The following NRXN3 variants were observed in gnomAD, a reference collection of about 807,000 sequenced individuals.
NRXN3 encodes neurexin III.
NRXN3 carries 32 observed loss-of-function variants against 137.6 expected under a neutral mutation model. That is an observed-to-expected ratio of 0.23 (90% CI 0.18 to 0.31). NRXN3 has a LOEUF of 0.31. NRXN3 is among the 10% of genes least tolerant of loss of function. NRXN3 has a pLI of 1.00. For synonymous variants in NRXN3, 798 were observed against 784.5 expected, an observed-to-expected ratio of 1.02 and a Z score of -0.29; for missense variants, 1,574 against 2,062.5, an observed-to-expected ratio of 0.76 and a Z score of 4.59.
chr14:79,606,686 A>G (rs1180741725), intron 16 of NRXN3, among the ~76,000 whole-genome samples: 1 of 152,236 alleles, frequency 6.6e-6, no homozygotes, highest in Non-Finnish European at 1.5e-5. Flanking sequence ...GTGCACAGGT[A>G]CTTATTGAGC....
At chr14:79,332,032 C>T (rs772414073) in intron 15 of NRXN3, among the ~76,000 whole-genome samples, 5 of 152,128 alleles carry the variant, frequency 3.3e-5, no homozygotes, top group African/African-American at 9.7e-5. Flanking sequence ...CAATTTGGCA[C>T]GGTTTTTGTT....
chr14:78,697,345 C>T (rs1319902293), intron 6 of NRXN3, among the ~76,000 whole-genome samples: 1 of 151,622 alleles, frequency 6.6e-6, no homozygotes, highest in Non-Finnish European at 1.5e-5. Context: ...CATCAGTTTC[C>T]TATTCTCTGC....
rs191453499 is a variant in NRXN3 at position 79,794,558 on chromosome 14, A to G, written c.4015-10554A>G. ...TGTCTTCTAAGCAACTTCTGGTTCA[A>G]AGGGAGAGCATGAGCTCCTGGGGAT... is the stretch of plus-strand genomic sequence containing the variant. On this transcript the variant is annotated intron_variant, in intron 19 of 20. Coordinates refer to ENST00000335750, the MANE Select transcript of NRXN3 (RefSeq NM_001330195.2). Among the ~76,000 whole-genome samples, 22 of 152,230 alleles carry G rather than the reference A, an allele frequency of 1.4e-4. No homozygotes were observed. In the East Asian group the frequency reaches 2.5e-3, roughly 17 times the overall value.
intron 15 of NRXN3, among the ~76,000 whole-genome samples, chr14:79,223,109 G>A (rs2070113540): frequency 6.6e-6 from 1 of 152,040 alleles, no homozygotes; most frequent in African/African-American, 2.4e-5. Context: ...TTAGAAAACT[G>A]ACCTGCACTG....
At position 79,103,933 on chromosome 14, in the gene NRXN3, G is replaced by T. The variant is rs147196216; in HGVS notation, c.3262+115792G>T. Among the ~76,000 whole-genome samples, 563 of 152,196 alleles carry T rather than the reference G, an allele frequency of 3.7e-3. 2 individuals are homozygous for T. The highest frequency in any genetic ancestry group is 0.013 in the African/African-American group (539 of 41,554). ...AATCTGCACACATACATGCACATCTGCACAAGCAATAGACACATGTTCATA... is the reference window on the plus strand; with the variant it reads ...AATCTGCACACATACATGCACATCTTCACAAGCAATAGACACATGTTCATA... On this transcript the variant is annotated intron_variant, in intron 15 of 20. Transcript: ENST00000335750.
chr14:78,580,320 A>T (rs1012344251), intron 4 of NRXN3, among the ~76,000 whole-genome samples: 16 of 152,034 alleles, frequency 1.1e-4, no homozygotes, highest in Non-Finnish European at 2.9e-5. Context: ...CTCATTACAC[A>T]CCAGTTTTCA....
intron 15 of NRXN3, among the ~76,000 whole-genome samples, chr14:79,466,170 C>A (rs1477362216): frequency 6.6e-6 from 1 of 152,108 alleles, no homozygotes; most frequent in Non-Finnish European, 1.5e-5. Flanking sequence ...ATCTCATTAT[C>A]CTGTGATGTT....
chr14:79,754,617 C>T (rs1417685974), intron 19 of NRXN3, among the ~76,000 whole-genome samples: 3 of 146,206 alleles, frequency 2.1e-5, no homozygotes, highest in South Asian at 2.2e-4. Context: ...TACACACACA[C>T]GTATGTATAT....
chr14:78,719,437 A>AT (rs2098449380), intron 8 of NRXN3, among the ~76,000 whole-genome samples: 1 of 151,902 alleles, frequency 6.6e-6, no homozygotes, highest in Non-Finnish European at 1.5e-5. Context: ...CAGCAGCAAA[A>AT]GCAAATGATT....
chr14:78,959,331 A>C (rs1456489434), intron 11 of NRXN3, among the ~76,000 whole-genome samples: 1 of 152,220 alleles, frequency 6.6e-6, no homozygotes, highest in African/African-American at 2.4e-5. Context: ...GGAAGCATAA[A>C]ACTTTGAGAG....
At chr14:78,805,108 C>T (rs559376300) in intron 9 of NRXN3, among the ~76,000 whole-genome samples, 1 of 152,042 alleles carries the variant, frequency 6.6e-6, no homozygotes, top group South Asian at 2.1e-4. Flanking sequence ...ACATCATAAA[C>T]CTAAAATCTC....
At chr14:79,035,495 A>G (rs10146542) in intron 15 of NRXN3, among the ~76,000 whole-genome samples, 57,890 of 151,944 alleles carry the variant, frequency 0.38, 11,579 homozygotes, top group Admixed American at 0.49. Flanking sequence ...ACATGCACAT[A>G]TTCATAGAAA....
At chr14:78,932,322 TTC>T (rs2099324459) in intron 10 of NRXN3, among the ~76,000 whole-genome samples, 1 of 152,094 alleles carries the variant, frequency 6.6e-6, no homozygotes, top group Admixed American at 6.6e-5. Context: ...ACTCTTATTT[TTC>T]TCTGTCAGGT....
chr14:78,849,305 A>G (rs1440115120), intron 10 of NRXN3, among the ~76,000 whole-genome samples: 1 of 152,126 alleles, frequency 6.6e-6, no homozygotes, highest in African/African-American at 2.4e-5. Flanking sequence ...CAGGATGTAG[A>G]AGTTGAGTGC....
In NRXN3 at chr14:78,278,651, G is replaced by A. The variant is rs2073960158; in HGVS notation, c.716G>A (p.Ser239Asn). The A allele has an allele frequency of 6.5e-7, 1 of 1,535,204 alleles. No homozygotes were observed. The highest frequency in any genetic ancestry group is 8.7e-7 in the Non-Finnish European group (1 of 1,146,518). ...TTTGAAAATGCTGCCACAGATGTCAGTCAAGATCCAGGTGAGTCTTTGTGT... is the reference window on the plus strand; with the variant it reads ...TTTGAAAATGCTGCCACAGATGTCAATCAAGATCCAGGTGAGTCTTTGTGT... ...YGGKLCSEDV[S>N]QDPGLSHLMM... is the part of the protein sequence containing the mutation. The change falls in exon 3 of 21, where the codon AGT (serine) becomes AAT (asparagine). Residue 239 changes from serine to asparagine, a missense_variant. This residue lies in a region of NRXN3 where 400 missense variants were observed against 527.3 expected (regional missense o/e 0.76). Coordinates refer to ENST00000335750, the MANE Select transcript of NRXN3 (RefSeq NM_001330195.2).
At chr14:79,378,893 C>T (rs1006465805) in intron 15 of NRXN3, among the ~76,000 whole-genome samples, 5 of 151,020 alleles carry the variant, frequency 3.3e-5, no homozygotes, top group Non-Finnish European at 7.4e-5. Flanking sequence ...AAAAAAAAAC[C>T]CTGAAGAGCT....
At chr14:79,144,173 A>G (rs1224743324) in intron 15 of NRXN3, among the ~76,000 whole-genome samples, 1 of 152,182 alleles carries the variant, frequency 6.6e-6, no homozygotes, top group African/African-American at 2.4e-5. Context: ...AGCCCTGATA[A>G]TACGTATTTG....
At chr14:78,539,046 G>A (rs566357875) in intron 4 of NRXN3, among the ~76,000 whole-genome samples, 81 of 152,324 alleles carry the variant, frequency 5.3e-4, no homozygotes, top group African/African-American at 1.9e-3. Flanking sequence ...TTGCATTGAT[G>A]TTCATCAGGG....
chr14:79,454,966 T>C (rs762156142), intron 15 of NRXN3, among the ~76,000 whole-genome samples: 3 of 152,234 alleles, frequency 2.0e-5, no homozygotes, highest in Non-Finnish European at 2.9e-5. Context: ...TTTATCAATT[T>C]TTGTAAGTGA....
Sources: gnomAD v4.1 joint callset for allele counts (sites outside exome capture counted in the v4.1 genomes callset) on GRCh38, gnomAD v4.1.1 for gene constraint, gnomAD v4.1.1 regional missense constraint, MANE v1.5 for transcripts, NCBI Gene and HGNC (gene_info 2026-07-23, HGNC 2026-07-21) for gene names.